Variants in SGCD observed in about 807,000 individuals in gnomAD.
SGCD encodes the protein delta-sarcoglycan.
SGCD carries 18 observed loss-of-function variants against 36.6 expected under a neutral mutation model. The observed-to-expected ratio is 0.49, with a 90% confidence interval of 0.34 to 0.73. The LOEUF is 0.73. Among genes scored for constraint, SGCD ranks in the 30% least tolerant of loss-of-function variants. The pLI is 0.01. For synonymous variants in SGCD, 133 were observed against 130.6 expected (o/e 1.02, Z -0.12); for missense variants, 387 against 346.7 (o/e 1.12, Z -0.92).
intron 1 of SGCD, among the ~76,000 whole-genome samples, chr5:156,032,590 C>T (rs375443242): frequency 1.3e-4 from 20 of 150,970 alleles, no homozygotes; most frequent in Middle Eastern, 3.4e-3. Flanking sequence ...TGGTGGCAGG[C>T]GCCGGTATTC....
chr5:155,908,874 A>G (rs994754440), intron 1 of SGCD, among the ~76,000 whole-genome samples: 6 of 152,112 alleles, frequency 3.9e-5, no homozygotes, highest in Admixed American at 2.0e-4. Context: ...AAAAAGCGCA[A>G]TCTACCTTGC....
chr5:155,790,882 A>G, the SGCD span, among the ~76,000 whole-genome samples: 1 of 152,148 alleles, frequency 6.6e-6, no homozygotes, highest in East Asian at 1.9e-4. Flanking sequence ...GGTACTTAAT[A>G]TAAGAATTTC....
chr5:156,185,711 A>C (rs1298478137), intron 3 of SGCD, among the ~76,000 whole-genome samples: 1 of 151,268 alleles, frequency 6.6e-6, no homozygotes, highest in East Asian at 1.9e-4. Context: ...TATTTTTAAC[A>C]CTTTTCACAA....
the SGCD span, among the ~76,000 whole-genome samples, chr5:155,851,682 C>A: frequency 6.6e-6 from 1 of 152,206 alleles, no homozygotes; most frequent in Non-Finnish European, 1.5e-5. Context: ...GGCCCTTCTC[C>A]ACTTTTTCCA....
chr5:156,173,754 G>T, intron 3 of SGCD, among the ~76,000 whole-genome samples: 1 of 151,542 alleles, frequency 6.6e-6, no homozygotes, highest in African/African-American at 2.4e-5. Context: ...CTTTTCTTTA[G>T]AATAATGAAG....
chr5:156,054,624 T>G lies in SGCD; in HGVS notation c.-281-63254T>G, dbSNP rs1196999382. Among the ~76,000 whole-genome samples the G allele has an allele frequency of 1.4e-5, 2 of 146,626 alleles. 1 individual carries two copies. The highest frequency in any genetic ancestry group is 4.9e-5 in the African/African-American group (2 of 40,756). ...TTCTATATTTAAATATCTCAAAACATTTTTGCAAAAGGCCAGATAATGTTT... is the reference window on the plus strand; with the variant it reads ...TTCTATATTTAAATATCTCAAAACAGTTTTGCAAAAGGCCAGATAATGTTT... On this transcript the variant is annotated intron_variant, in intron 1 of 9. Coordinates refer to the SGCD transcript ENST00000517913.
intron 3 of SGCD, among the ~76,000 whole-genome samples, chr5:156,140,331 G>T (rs1186012228): frequency 6.6e-6 from 1 of 152,168 alleles, no homozygotes; most frequent in African/African-American, 2.4e-5. Flanking sequence ...TCTGGTAGGG[G>T]CTCAGAAGAA....
chr5:156,437,641 C>G (rs896722023), intron 3 of SGCD, among the ~76,000 whole-genome samples: 1 of 152,096 alleles, frequency 6.6e-6, no homozygotes, highest in Non-Finnish European at 1.5e-5. Flanking sequence ...TTCAAGAAAA[C>G]AGAGTCCCGG....
At chr5:156,637,829 C>T (rs1029736235) in intron 6 of SGCD, among the ~76,000 whole-genome samples, 4 of 152,102 alleles carry the variant, frequency 2.6e-5, no homozygotes, top group East Asian at 1.9e-4. Flanking sequence ...TTAAAGCTTT[C>T]GTAACAGGAC....
At chr5:156,636,869 C>T (rs1762842183) in intron 6 of SGCD, among the ~76,000 whole-genome samples, 1 of 152,142 alleles carries the variant, frequency 6.6e-6, no homozygotes, top group East Asian at 1.9e-4. Context: ...ACTTCTCTTT[C>T]CTTCATCTTG....
intron 3 of SGCD, among the ~76,000 whole-genome samples, chr5:156,161,094 G>A (rs937076077): frequency 6.6e-6 from 1 of 151,668 alleles, no homozygotes; most frequent in African/African-American, 2.4e-5. Context: ...TCTTTACCAT[G>A]TGTCTTTTTA....
chr5:156,247,241 T>A (rs1325815583), intron 3 of SGCD, among the ~76,000 whole-genome samples: 1 of 152,198 alleles, frequency 6.6e-6, no homozygotes, highest in African/African-American at 2.4e-5. Context: ...GGGGGCTTAA[T>A]CATTAGCAAT....
chr5:156,745,056 A>G (rs1756880314), intron 7 of SGCD, among the ~76,000 whole-genome samples: 1 of 152,190 alleles, frequency 6.6e-6, no homozygotes, highest in South Asian at 2.1e-4. Context: ...GATGAAATTT[A>G]GCTTCAGTTT....
At chr5:156,131,764 A>G (rs571700018) in intron 3 of SGCD, among the ~76,000 whole-genome samples, 137 of 152,342 alleles carry the variant, frequency 9.0e-4, no homozygotes, top group African/African-American at 3.0e-3. Context: ...TATAATTGTT[A>G]TGCTTTATCT....
intron 3 of SGCD, among the ~76,000 whole-genome samples, chr5:156,209,055 C>A (rs1310554458): frequency 6.6e-6 from 1 of 152,148 alleles, no homozygotes; most frequent in African/African-American, 2.4e-5. Flanking sequence ...GACATTGCCT[C>A]AGACTCTAAC....
chr5:156,617,316 C>A (rs1762056512), intron 6 of SGCD, among the ~76,000 whole-genome samples: 1 of 152,042 alleles, frequency 6.6e-6, no homozygotes, highest in African/African-American at 2.4e-5. Context: ...TTCATAAAGG[C>A]CTAAACTAGG....
At chr5:155,917,079 T>C (rs774489933) in intron 1 of SGCD, among the ~76,000 whole-genome samples, 1 of 152,204 alleles carries the variant, frequency 6.6e-6, no homozygotes, top group Non-Finnish European at 1.5e-5. Flanking sequence ...TCATTATGCA[T>C]CAAAGGCAGC....
chr5:155,911,590 G>C (rs1003439363), intron 1 of SGCD, among the ~76,000 whole-genome samples: 3 of 151,938 alleles, frequency 2.0e-5, no homozygotes, highest in Admixed American at 2.0e-4. Flanking sequence ...CATTCCCCAT[G>C]TGATGGCCAC....
chr5:156,391,199 T>C (rs897267096), intron 3 of SGCD, among the ~76,000 whole-genome samples: 2 of 152,260 alleles, frequency 1.3e-5, no homozygotes, highest in Non-Finnish European at 2.9e-5. Flanking sequence ...TGCATCACAG[T>C]TGCCTACTGT....
Sources: gnomAD v4.1 joint callset for allele counts (sites outside exome capture counted in the v4.1 genomes callset) on GRCh38, gnomAD v4.1.1 for gene constraint, MANE v1.5 for transcripts, NCBI Gene and HGNC (gene_info 2026-07-23, HGNC 2026-07-21) for gene names.